LOXHD1: variants seen among roughly 807,000 people sequenced by gnomAD.
LOXHD1 encodes the protein lipoxygenase homology PLAT domains 1, also known as lipoxygenase homology domain-containing protein 1.
A neutral mutation model predicts 248.2 loss-of-function variants in LOXHD1; 205 were observed. The observed-to-expected ratio is 0.83, with a 90% CI of 0.74 to 0.93. The LOEUF is 0.93. Among genes scored for constraint, LOXHD1 ranks in the 40% least tolerant of loss-of-function variants. The probability of loss-of-function intolerance (pLI) is 0.00; values close to 1 mark genes in which losing one functional copy is unlikely to be tolerated. For missense variants in LOXHD1, 2,930 were observed against 2,971.6 expected (o/e 0.99, Z 0.33); for synonymous variants, 1,113 against 1,162.8 (o/e 0.96, Z 0.87).
intron 29 of LOXHD1, among the ~76,000 whole-genome samples, chr18:46,527,254 C>T (rs1267717409): frequency 6.6e-6 from 1 of 152,138 alleles, no homozygotes; most frequent in Non-Finnish European, 1.5e-5. Context: ...TTGCCAGAGT[C>T]TGTAAATAAA....
chr18:46,562,490 T>C (rs774604783), intron 18 of LOXHD1, among the ~76,000 whole-genome samples: 1 of 152,202 alleles, frequency 6.6e-6, no homozygotes, highest in Non-Finnish European at 1.5e-5. Context: ...TTTTTCCTTC[T>C]ATTGAAAGAC....
At chr18:46,592,469 C>T (rs772895959) in intron 11 of LOXHD1, 29 bp downstream of exon 11, 2 of 1,527,954 alleles carry the variant, frequency 1.3e-6, no homozygotes, top group Non-Finnish European at 1.8e-6. Context: ...TCCCAACAAC[C>T]TCCCAAACCC....
At chr18:46,480,583 G>A (rs1041404957) in intron 40 of LOXHD1, among the ~76,000 whole-genome samples, 4 of 152,154 alleles carry the variant, frequency 2.6e-5, no homozygotes, top group Non-Finnish European at 4.4e-5. Flanking sequence ...TGTGGGCCCT[G>A]CAGACTTACA....
chr18:46,542,945 A>G, intron 23 of LOXHD1, 90 bp from the exon 24 acceptor site: 1 of 1,510,828 alleles, frequency 6.6e-7, no homozygotes, highest in Non-Finnish European at 9.0e-7. Context: ...TTTCAAAATG[A>G]CCAAATTTCT....
chr18:46,485,776 G>A (rs1330710572), intron 38 of LOXHD1, among the ~76,000 whole-genome samples: 3 of 152,030 alleles, frequency 2.0e-5, no homozygotes, highest in Non-Finnish European at 4.4e-5. Flanking sequence ...AGATAACCCT[G>A]CAAAAAAGAG....
At chr18:46,553,540 C>A (rs1342323794) in intron 21 of LOXHD1, among the ~76,000 whole-genome samples, 1 of 152,234 alleles carries the variant, frequency 6.6e-6, no homozygotes, top group African/African-American at 2.4e-5. Flanking sequence ...AATAAATCAA[C>A]ATATTAACCA....
intron 8 of LOXHD1, among the ~76,000 whole-genome samples, chr18:46,597,875 G>T (rs1317605558): frequency 6.6e-6 from 1 of 150,820 alleles, no homozygotes; most frequent in Admixed American, 6.6e-5. Flanking sequence ...TCCTGTCTCA[G>T]CTTCCCAAGT....
At chr18:46,639,945 T>C in intron 3 of LOXHD1, 145 bp from the exon 4 acceptor site, 2 of 999,832 alleles carry the variant, frequency 2.0e-6, no homozygotes, top group Non-Finnish European at 1.5e-6. Context: ...CTCGGTTTCC[T>C]CATCTATAAA....
chr18:46,477,052 G>A, downstream of LOXHD1: 1 of 673,624 alleles, frequency 1.5e-6, no homozygotes, highest in Non-Finnish European at 2.7e-6. Flanking sequence ...GTTCTTTATA[G>A]GATATGGTTG....
In LOXHD1 at chr18:46,477,706, G is replaced by T. The variant is rs2032132491; in HGVS notation, c.6588C>A (p.Asn2196Lys). The change falls in exon 41 of 41, where the codon AAC (asparagine) becomes AAA (lysine). Residue 2196 changes from asparagine (N) to lysine (K), a missense_variant. Asn to Lys is a moderately conservative substitution (Grantham distance 94). Transcript: ENST00000642948. ...GGTCTGTGCTGCCCCGCTCGAAGAG[G>T]TTGCGCATTTTCTGCTTCAGCTCCC... ...GKRELKQKMR[N>K]LFERGSTDRF... 1.3e-6 allele frequency: 2 copies of T among 1,551,820 alleles called. No individual in the cohort carries two copies. The highest frequency in any genetic ancestry group is 1.4e-5 in the African/African-American group (1 of 73,068).
chr18:46,618,525 G>T (rs555330253), intron 4 of LOXHD1, among the ~76,000 whole-genome samples: 9 of 152,306 alleles, frequency 5.9e-5, no homozygotes, highest in Admixed American at 5.9e-4. Context: ...CTCAACATTA[G>T]TTCCAAATGG....
At chr18:46,622,328 T>G in intron 4 of LOXHD1, among the ~76,000 whole-genome samples, 1 of 152,270 alleles carries the variant, frequency 6.6e-6, no homozygotes, top group Non-Finnish European at 1.5e-5. Context: ...ACTTTATTTA[T>G]GGACATTGCC....
At chr18:46,628,722 C>T (rs561296397) in intron 4 of LOXHD1, among the ~76,000 whole-genome samples, 2 of 152,214 alleles carry the variant, frequency 1.3e-5, no homozygotes, top group Non-Finnish European at 2.9e-5. Context: ...ACATCAGGAG[C>T]TTAACCACAA....
intron 4 of LOXHD1, among the ~76,000 whole-genome samples, chr18:46,634,130 C>T (rs745828068): frequency 1.3e-5 from 2 of 152,140 alleles, no homozygotes; most frequent in African/African-American, 2.4e-5. Flanking sequence ...TTTGTACGCC[C>T]ATGTTCATAG....
intron 35 of LOXHD1, among the ~76,000 whole-genome samples, chr18:46,509,135 C>T (rs768260874): frequency 9.9e-5 from 15 of 152,190 alleles, no homozygotes; most frequent in Non-Finnish European, 1.3e-4. Context: ...AGAAATCCCA[C>T]GCTGCTGTTG....
intron 22 of LOXHD1, 25 bp downstream of exon 22, chr18:46,546,870 A>G (rs2036864451): frequency 6.5e-7 from 1 of 1,540,480 alleles, no homozygotes; most frequent in Non-Finnish European, 8.8e-7. Flanking sequence ...TGCTGGAGAA[A>G]GAAATCAGCT....
intron 3 of LOXHD1, 128 bp downstream of exon 3, chr18:46,641,828 G>A: frequency 1.1e-6 from 1 of 904,808 alleles, no homozygotes; most frequent in South Asian, 1.6e-5. Flanking sequence ...GACAGGGAAA[G>A]ATTTGGGCCT....
At chr18:46,615,132 A>T (rs765031053) in intron 5 of LOXHD1, among the ~76,000 whole-genome samples, 1 of 152,106 alleles carries the variant, frequency 6.6e-6, no homozygotes, top group Non-Finnish European at 1.5e-5. Context: ...GCTAGAGGAG[A>T]CCCTCATGTT....
intron 17 of LOXHD1, among the ~76,000 whole-genome samples, chr18:46,565,780 G>C (rs1176504297): frequency 6.6e-6 from 1 of 152,168 alleles, no homozygotes; most frequent in Non-Finnish European, 1.5e-5. Flanking sequence ...AAGGAAAAAA[G>C]TCTGTATATG....
Sources: gnomAD v4.1 joint callset for allele counts (sites outside exome capture counted in the v4.1 genomes callset) on GRCh38, gnomAD v4.1.1 for gene constraint, MANE v1.5 for transcripts, NCBI Gene and HGNC (gene_info 2026-07-23, HGNC 2026-07-21) for gene names.